TNIK: variants seen among roughly 807,000 people sequenced by gnomAD.
TNIK encodes TRAF2 and NCK interacting kinase, also known as TRAF2 and NCK-interacting protein kinase.
A neutral mutation model predicts 191.3 loss-of-function variants in TNIK; 49 were observed. The observed-to-expected ratio is 0.26, with a 90% CI of 0.20 to 0.32. The LOEUF (loss-of-function observed/expected upper bound fraction) is 0.32. Among genes scored for constraint, TNIK ranks in the 10% least tolerant of loss-of-function variants. TNIK has a pLI of 1.00. For synonymous variants in TNIK, 594 were observed against 600.9 expected (o/e 0.99, Z 0.17); for missense variants, 1,155 against 1,702.3 (o/e 0.68, Z 5.66).
At chr3:171,325,820 G>A (rs981597395) in intron 2 of TNIK, among the ~76,000 whole-genome samples, 1 of 152,214 alleles carries the variant, frequency 6.6e-6, no homozygotes, top group African/African-American at 2.4e-5. Flanking sequence ...ACAAGGGCTA[G>A]GAGGTACATA....
chr3:171,169,601 T>C (rs1560210181), intron 9 of TNIK, among the ~76,000 whole-genome samples: 2 of 152,124 alleles, frequency 1.3e-5, no homozygotes, highest in Non-Finnish European at 2.9e-5. Context: ...CTCAACCAAC[T>C]ATTAATTAGA....
intron 1 of TNIK, among the ~76,000 whole-genome samples, chr3:171,421,701 C>T (rs949304181): frequency 2.0e-5 from 3 of 149,670 alleles, no homozygotes; most frequent in Non-Finnish European, 4.4e-5. Context: ...GAAGACCTAG[C>T]TCTGCTCCTG....
At chr3:171,162,329 C>A (rs1463151488) in intron 10 of TNIK, among the ~76,000 whole-genome samples, 3 of 152,100 alleles carry the variant, frequency 2.0e-5, no homozygotes, top group Non-Finnish European at 4.4e-5. Flanking sequence ...GAGGCTGAGG[C>A]AGGAGAATGG....
chr3:171,081,392 T>C (rs1379500490), intron 27 of TNIK, among the ~76,000 whole-genome samples: 5 of 151,710 alleles, frequency 3.3e-5, no homozygotes, highest in Admixed American at 1.3e-4. Flanking sequence ...CATAAATCCA[T>C]GTTCTCAAAC....
rs894315148 is a variant in TNIK, at chr3:171,094,087, T to A, written c.2592-119A>T. 235 of 1,301,636 alleles carry A rather than the reference T, an allele frequency of 1.8e-4. 2 individuals carry two copies. Among genetic ancestry groups the A allele is most frequent in the Non-Finnish European group, 3.1e-5 (31 of 985,816 alleles). The allele number at this position is 1,301,636 out of a possible 1,614,324, so 80.6% of individuals were successfully genotyped here. A position where few individuals can be genotyped will look rare whatever the true frequency, so the allele number is the denominator to read the frequency against. ...CATATTAATAACATAAAATTTACCATTGTACCAATTTTAAGTGTACATGTC... is the reference window on the plus strand; with the variant it reads ...CATATTAATAACATAAAATTTACCAATGTACCAATTTTAAGTGTACATGTC... On this transcript the variant is annotated intron_variant, in intron 22 of 32. Transcript: ENST00000436636.
chr3:171,159,629 A>AT lies in TNIK; in HGVS notation c.1016+1640dup, dbSNP rs1161475160. On this transcript the variant is annotated intron_variant, in intron 11 of 32. Transcript: ENST00000436636. The surrounding 1 kb of genome is among the most constrained non-coding windows in gnomAD (Gnocchi z 4.1). Reference sequence around the variant, plus strand: ...CCTCCCATGCACACGAGGATGCTCCATTAATATTAATTGATATTGAATCAA... The same window carrying AT: ...CCTCCCATGCACACGAGGATGCTCCATTTAATATTAATTGATATTGAATCAA... 1.1e-4 allele frequency among the ~76,000 whole-genome samples: 17 copies of AT among 152,338 alleles called. No homozygotes were observed. Among genetic ancestry groups the AT allele is most frequent in the African/African-American group, 4.1e-4 (17 of 41,570 alleles).
intron 2 of TNIK, among the ~76,000 whole-genome samples, chr3:171,342,724 C>T (rs1258335236): frequency 6.6e-6 from 1 of 152,152 alleles, no homozygotes; most frequent in Non-Finnish European, 1.5e-5. Flanking sequence ...ATCTCCTATG[C>T]AGAAGAATTC....
intron 1 of TNIK, among the ~76,000 whole-genome samples, chr3:171,459,200 C>A (rs776636793): frequency 6.6e-6 from 1 of 151,436 alleles, no homozygotes; most frequent in Non-Finnish European, 1.5e-5. Context: ...AAGGACTGGC[C>A]ACAGACACGG....
At chr3:171,166,948 A>G in intron 10 of TNIK, 147 bp downstream of exon 10, 2 of 993,840 alleles carry the variant, frequency 2.0e-6, no homozygotes, top group Non-Finnish European at 1.4e-6. Flanking sequence ...ACTGATGCCC[A>G]GAGGCTGTGG....
chr3:171,077,145 A>G (rs1186172764), intron 28 of TNIK, among the ~76,000 whole-genome samples: 1 of 144,392 alleles, frequency 6.9e-6, no homozygotes, highest in Non-Finnish European at 1.5e-5. Flanking sequence ...CTGCTGATAA[A>G]TGCCCTTCAA....
chr3:171,230,909 C>T (rs1260466692), intron 2 of TNIK, among the ~76,000 whole-genome samples: 1 of 152,140 alleles, frequency 6.6e-6, no homozygotes, highest in Non-Finnish European at 1.5e-5. Context: ...AAGTGAACTC[C>T]CTTGGTTCAA....
At chr3:171,425,447 CT>C (rs769388034) in intron 1 of TNIK, among the ~76,000 whole-genome samples, 2 of 152,168 alleles carry the variant, frequency 1.3e-5, no homozygotes, top group Non-Finnish European at 2.9e-5. Context: ...ACGTTTAACT[CT>C]GTGAAGCAAA....
chr3:171,090,591 G>C (rs1721940123), intron 23 of TNIK, among the ~76,000 whole-genome samples: 1 of 152,106 alleles, frequency 6.6e-6, no homozygotes, highest in South Asian at 2.1e-4. Flanking sequence ...TGGAGTCCCA[G>C]TAGAGGCTTG....
intron 2 of TNIK, among the ~76,000 whole-genome samples, chr3:171,247,444 T>A (rs1745717423): frequency 1.3e-5 from 2 of 152,094 alleles, no homozygotes; most frequent in African/African-American, 4.8e-5. Context: ...ACAATCTAGG[T>A]GGGTAAGAGT....
chr3:171,096,257 AAC>A (rs1290777918), intron 22 of TNIK, among the ~76,000 whole-genome samples: 2 of 151,978 alleles, frequency 1.3e-5, no homozygotes, highest in African/African-American at 4.8e-5. Flanking sequence ...TTACCTGAAT[AAC>A]AGTTTTCTTG....
chr3:171,288,286 T>A, intron 2 of TNIK, among the ~76,000 whole-genome samples: 1 of 147,120 alleles, frequency 6.8e-6, no homozygotes. Flanking sequence ...ACCTGCACAA[T>A]GTGCACATGT....
intron 1 of TNIK, among the ~76,000 whole-genome samples, chr3:171,420,318 A>G (rs905294454): frequency 2.6e-5 from 4 of 152,178 alleles, no homozygotes; most frequent in Non-Finnish European, 1.5e-5. Context: ...CCACTATTCC[A>G]ACTCTCCATG....
chr3:171,349,116 T>TA (rs1712730401), intron 2 of TNIK, among the ~76,000 whole-genome samples: 1 of 151,930 alleles, frequency 6.6e-6, no homozygotes, highest in South Asian at 2.1e-4. Flanking sequence ...CTCTCAGCTA[T>TA]AACACCCAAA....
intron 9 of TNIK, among the ~76,000 whole-genome samples, chr3:171,171,090 A>G (rs1203233348): frequency 6.6e-6 from 1 of 152,098 alleles, no homozygotes; most frequent in East Asian, 1.9e-4. Flanking sequence ...GAACTAAGTA[A>G]ACATAGAGTT....
Sources: gnomAD v4.1 joint callset for allele counts (sites outside exome capture counted in the v4.1 genomes callset) on GRCh38, gnomAD v4.1.1 for gene constraint, Gnocchi (gnomAD v3.1) non-coding constraint, MANE v1.5 for transcripts, NCBI Gene and HGNC (gene_info 2026-07-23, HGNC 2026-07-21) for gene names.